CXADR: variants seen among roughly 807,000 people sequenced by gnomAD.
CXADR encodes the protein CXADR cell adhesion molecule, also known as coxsackievirus and adenovirus receptor.
Under a neutral mutation model 40.3 loss-of-function variants are expected in CXADR, and 20 were observed. That is an observed-to-expected ratio of 0.50 (90% confidence interval 0.35 to 0.72). The LOEUF (loss-of-function observed/expected upper bound fraction) is 0.72, where lower values mean the gene tolerates loss of function less well. CXADR is among the 30% of genes least tolerant of loss of function. The pLI is 0.01. For synonymous variants in CXADR, 150 were observed against 161.3 expected, an observed-to-expected ratio of 0.93 and a Z score of 0.53; for missense variants, 332 against 449.1, an observed-to-expected ratio of 0.74 and a Z score of 2.36.
chr21:17,537,364 A>T (rs1013790963), intron 1 of CXADR, among the ~76,000 whole-genome samples: 1 of 152,138 alleles, frequency 6.6e-6, no homozygotes, highest in African/African-American at 2.4e-5. Context: ...GCCTGTGAAC[A>T]TTGTTTTGCC....
the CXADR span, among the ~76,000 whole-genome samples, chr21:17,603,550 G>C: frequency 1.3e-5 from 2 of 152,144 alleles, no homozygotes; most frequent in Non-Finnish European, 2.9e-5. Flanking sequence ...AGGTCAGTCT[G>C]CGACCACCTT....
chr21:17,603,201 T>G, the CXADR span, among the ~76,000 whole-genome samples: 1 of 152,320 alleles, frequency 6.6e-6, no homozygotes, highest in East Asian at 1.9e-4. Flanking sequence ...AGCTATTTCT[T>G]ATAAATGGAG....
chr21:17,582,524 G>T (rs550432910), intron 7 of CXADR, among the ~76,000 whole-genome samples: 1 of 152,084 alleles, frequency 6.6e-6, no homozygotes, highest in African/African-American at 2.4e-5. Flanking sequence ...GGAGCTCAGG[G>T]TCACCTGTCT....
intron 1 of CXADR, among the ~76,000 whole-genome samples, chr21:17,541,449 C>T (rs573059218): frequency 3.3e-5 from 5 of 151,876 alleles, no homozygotes; most frequent in Non-Finnish European, 5.9e-5. Flanking sequence ...CCCAGCTACC[C>T]GGGAGGCTTG....
At chr21:17,575,221 A>G (rs545230811) in intron 7 of CXADR, among the ~76,000 whole-genome samples, 27 of 151,978 alleles carry the variant, frequency 1.8e-4, no homozygotes, top group African/African-American at 4.3e-4. Context: ...GTCTTGCTCT[A>G]TTGCCCAGGT....
chr21:17,514,347 A>C (rs988246602), intron 1 of CXADR, among the ~76,000 whole-genome samples: 3 of 152,026 alleles, frequency 2.0e-5, no homozygotes, highest in Non-Finnish European at 4.4e-5. Context: ...TTCTATTAGC[A>C]AGTCTAATCT....
At position 17,551,829 on chromosome 21, in the gene CXADR, T is replaced by C; in HGVS notation, c.291T>C (p.Asp97=). 1 of 1,613,896 alleles carries C rather than the reference T, an allele frequency of 6.2e-7. No homozygotes were observed. Among genetic ancestry groups the C allele is most frequent in the Non-Finnish European group, 8.5e-7 (1 of 1,179,838 alleles). Residue 97 remains aspartate (D), a synonymous_variant, in exon 3 of 7, where the codon GAT becomes GAC. Coordinates refer to ENST00000284878, the MANE Select transcript of CXADR (RefSeq NM_001338.5). ...LKGRVHFTSN[D]LKSGDASINV... ...GCCGAGTACATTTTACGAGTAATGA[T>C]CTCAAATCTGGTGATGCATCAATAA...
the CXADR span, among the ~76,000 whole-genome samples, chr21:17,629,293 T>C: frequency 1.3e-5 from 2 of 149,512 alleles, no homozygotes; most frequent in African/African-American, 5.0e-5. Context: ...AGTGGAAGGA[T>C]CGCTTGAACC....
chr21:17,545,075 T>TG (rs2060878273), intron 1 of CXADR, among the ~76,000 whole-genome samples: 1 of 64,918 alleles, frequency 1.5e-5, no homozygotes, highest in Admixed American at 1.4e-4. Context: ...CTAATGTGTT[T>TG]TTTTTTTTTT....
the CXADR span, among the ~76,000 whole-genome samples, chr21:17,616,423 C>T: frequency 1.3e-5 from 2 of 149,128 alleles, no homozygotes; most frequent in African/African-American, 5.0e-5. Context: ...GCAAGCTCCG[C>T]CTGCCAGGTT....
intron 1 of CXADR, among the ~76,000 whole-genome samples, chr21:17,513,413 G>T (rs1033066753): frequency 1.1e-4 from 17 of 152,008 alleles, no homozygotes; most frequent in Non-Finnish European, 1.5e-5. Flanking sequence ...GCCCTCGGCG[G>T]GGGGTGGAGG....
intron 1 of CXADR, among the ~76,000 whole-genome samples, chr21:17,534,702 A>G (rs1481211365): frequency 4.0e-5 from 6 of 151,898 alleles, no homozygotes; most frequent in East Asian, 1.9e-4. Flanking sequence ...GTCTTTATCA[A>G]TCTTCTTCTT....
rs559401219 is a variant in CXADR at position 17,593,062 on chromosome 21, A to G, written c.1018-90A>G. 2,745 of 1,112,296 alleles carry G rather than the reference A, an allele frequency of 2.5e-3. 5 individuals are homozygous for G. Among genetic ancestry groups the G allele is most frequent in the Non-Finnish European group, 3.0e-3 (2,555 of 862,648 alleles). The allele number at this position is 1,112,296 out of a possible 1,614,324, so 68.9% of individuals were successfully genotyped here. On this transcript the variant is annotated intron_variant, in intron 7 of 7. Transcript: ENST00000400169. ...GCAAATTTAAAGATGAAGGTGATGGAAAAAGTATTGCTGATCTTAGTTTTT... is the reference window on the plus strand; with the variant it reads ...GCAAATTTAAAGATGAAGGTGATGGGAAAAGTATTGCTGATCTTAGTTTTT...
intron 1 of CXADR, among the ~76,000 whole-genome samples, chr21:17,535,761 T>A (rs1320581068): frequency 9.9e-5 from 15 of 152,198 alleles, no homozygotes; most frequent in Admixed American, 9.8e-4. Flanking sequence ...ACTCCCAGCA[T>A]TTTGATAGCC....
intron 1 of CXADR, among the ~76,000 whole-genome samples, chr21:17,544,507 G>T (rs1404477599): frequency 6.6e-6 from 1 of 152,072 alleles, no homozygotes; most frequent in African/African-American, 2.4e-5. Flanking sequence ...GAAAATTATG[G>T]GCTCAACAGT....
the CXADR span, chr21:17,598,670 C>T: frequency 5.6e-6 from 9 of 1,614,074 alleles, no homozygotes; most frequent in African/African-American, 4.0e-5. Context: ...ACTTCCATTT[C>T]CTTACTTGTT....
At chr21:17,630,881 G>C in the CXADR span, among the ~76,000 whole-genome samples, 7 of 152,006 alleles carry the variant, frequency 4.6e-5, no homozygotes, top group Non-Finnish European at 1.0e-4. Context: ...TTTCCAGGAA[G>C]GTAATGGATT....
At chr21:17,539,073 G>C (rs994542021) in intron 1 of CXADR, among the ~76,000 whole-genome samples, 3 of 152,178 alleles carry the variant, frequency 2.0e-5, no homozygotes, top group Non-Finnish European at 4.4e-5. Flanking sequence ...TTGTGCAGAT[G>C]ATTGGTGATG....
At chr21:17,523,787 C>T (rs1264068476) in intron 1 of CXADR, among the ~76,000 whole-genome samples, 1 of 152,142 alleles carries the variant, frequency 6.6e-6, no homozygotes, top group Non-Finnish European at 1.5e-5. Flanking sequence ...ACTTCTGTTT[C>T]TTAAGAAAAC....
Sources: gnomAD v4.1 joint callset for allele counts (sites outside exome capture counted in the v4.1 genomes callset) on GRCh38, gnomAD v4.1.1 for gene constraint, MANE v1.5 for transcripts, NCBI Gene and HGNC (gene_info 2026-07-23, HGNC 2026-07-21) for gene names.